TNIP1: variants seen among roughly 807,000 people sequenced by gnomAD.
The protein encoded by TNIP1 is TNFAIP3-interacting protein 1.
Under a neutral mutation model 86.6 loss-of-function variants are expected in TNIP1, and 22 were observed. That is an observed-to-expected ratio of 0.25 (90% CI 0.18 to 0.36). The LOEUF is 0.36. Ranked by LOEUF, TNIP1 falls within the 10% of genes least tolerant of loss-of-function variation. The probability of loss-of-function intolerance (pLI) is 1.00; values close to 1 mark genes in which losing one functional copy is unlikely to be tolerated. For missense variants in TNIP1, 709 were observed against 820.6 expected, an observed-to-expected ratio of 0.86 and a Z score of 1.66; for synonymous variants, 294 against 313.0, an observed-to-expected ratio of 0.94 and a Z score of 0.64.
At chr5:151,085,868 C>G (rs1483209050), upstream of TNIP1, among the ~76,000 whole-genome samples, 2 of 152,188 alleles carry the variant, frequency 1.3e-5, no homozygotes, top group African/African-American at 4.8e-5. Flanking sequence ...CCGGGAAGCC[C>G]TAACAGGGCC....
intron 1 of TNIP1, among the ~76,000 whole-genome samples, chr5:151,066,652 T>C (rs1198830003): frequency 1.3e-5 from 2 of 152,218 alleles, no homozygotes; most frequent in African/African-American, 2.4e-5. Flanking sequence ...ATATACAATC[T>C]TGGAGGAGCT....
chr5:151,052,760 T>C (rs552801424), intron 6 of TNIP1, among the ~76,000 whole-genome samples: 29 of 151,948 alleles, frequency 1.9e-4, no homozygotes, highest in Admixed American at 9.2e-4. Context: ...GCTGCTGTTT[T>C]CTTAATATCT....
intron 6 of TNIP1, 145 bp downstream of exon 6, chr5:151,056,621 C>T (rs1169020273): frequency 3.8e-5 from 27 of 716,032 alleles, no homozygotes; most frequent in Non-Finnish European, 4.9e-5. Context: ...TGTTCATCAC[C>T]CTGAACAAAA....
intron 8 of TNIP1, among the ~76,000 whole-genome samples, chr5:151,046,982 G>A (rs1006154819): frequency 2.6e-5 from 4 of 152,154 alleles, no homozygotes; most frequent in African/African-American, 9.7e-5. Context: ...TGCTGCAGGT[G>A]GAGATCCACC....
chr5:151,051,407 G>A (rs925390954), intron 7 of TNIP1, among the ~76,000 whole-genome samples: 6 of 152,156 alleles, frequency 3.9e-5, no homozygotes, highest in Non-Finnish European at 1.5e-5. Flanking sequence ...AACTGTCCAG[G>A]ACCACAGTGC....
At chr5:151,083,512 A>G (rs982087408), upstream of TNIP1, among the ~76,000 whole-genome samples, 1 of 152,166 alleles carries the variant, frequency 6.6e-6, no homozygotes, top group African/African-American at 2.4e-5. Context: ...CTGGAAGGGG[A>G]TTTCCAAGTC....
At chr5:151,065,552 T>C (rs992723085) in intron 1 of TNIP1, among the ~76,000 whole-genome samples, 4 of 152,206 alleles carry the variant, frequency 2.6e-5, no homozygotes, top group Non-Finnish European at 5.9e-5. Context: ...TTTTGCCCAA[T>C]AAACACTTAC....
chr5:151,056,691 A>G (rs1760700262), intron 6 of TNIP1, 75 bp downstream of exon 6: 2 of 1,368,118 alleles, frequency 1.5e-6, no homozygotes, highest in South Asian at 1.7e-5. Flanking sequence ...GTGGATTCCC[A>G]GGAGCAGGAA....
intron 6 of TNIP1, among the ~76,000 whole-genome samples, chr5:151,054,021 G>A (rs1427094629): frequency 6.6e-6 from 1 of 152,220 alleles, no homozygotes; most frequent in African/African-American, 2.4e-5. Flanking sequence ...TGTTGCAGGT[G>A]GATGCAACCA....
intron 6 of TNIP1, among the ~76,000 whole-genome samples, chr5:151,054,148 T>A (rs1364644346): frequency 1.3e-5 from 2 of 152,186 alleles, no homozygotes; most frequent in East Asian, 3.8e-4. Context: ...TGTGGATGCC[T>A]CGTATTCTAA....
Position 151,046,060 on chromosome 5 carries a change from C to T in TNIP1, c.847-110G>A, listed in dbSNP as rs1423338364. Reference sequence around the variant, plus strand: ...CCCAAGTGGCCCCAGCCCTCTGTCTCCCTATTCCTCCCACCCAGCAGGACA... The same window carrying T: ...CCCAAGTGGCCCCAGCCCTCTGTCTTCCTATTCCTCCCACCCAGCAGGACA... On this transcript the variant is annotated intron_variant, in intron 8 of 17. Coordinates refer to ENST00000521591, the MANE Select transcript of TNIP1 (RefSeq NM_006058.5). 10 of 870,914 alleles carry T rather than the reference C, an allele frequency of 1.1e-5. 1 individual carries two copies. In the East Asian group the frequency reaches 2.1e-4, roughly 18 times the overall value. The allele number at this position is 870,914 out of a possible 1,614,324, so 53.9% of individuals were successfully genotyped here. A position where few individuals can be genotyped will look rare whatever the true frequency, so the allele number is the denominator to read the frequency against.
intron 5 of TNIP1, among the ~76,000 whole-genome samples, chr5:151,059,802 A>G (rs1196250395): frequency 2.7e-5 from 3 of 109,206 alleles, no homozygotes; most frequent in African/African-American, 9.1e-5. Flanking sequence ...AGAGAGAGAG[A>G]GAGAGAGAGA....
At chr5:151,032,260 G>T in intron 17 of TNIP1, 27 bp downstream of exon 17, 1 of 1,575,766 alleles carries the variant, frequency 6.3e-7, no homozygotes, top group Non-Finnish European at 8.7e-7. Context: ...CCCCAGGGAG[G>T]ACCAAGACTC....
intron 16 of TNIP1, 123 bp downstream of exon 16, chr5:151,033,485 A>T: frequency 1.6e-6 from 1 of 632,130 alleles, no homozygotes; most frequent in Non-Finnish European, 2.6e-6. Context: ...CCCACCTGCC[A>T]CCACGGTGCT....
At chr5:151,075,065 C>A (rs1763227911) in intron 1 of TNIP1, among the ~76,000 whole-genome samples, 1 of 152,098 alleles carries the variant, frequency 6.6e-6, no homozygotes, top group Admixed American at 6.6e-5. Flanking sequence ...GCATGAGTCA[C>A]CACGCTCAGC....
intron 1 of TNIP1, among the ~76,000 whole-genome samples, chr5:151,072,944 G>C (rs975227503): frequency 2.0e-5 from 3 of 152,228 alleles, no homozygotes; most frequent in Non-Finnish European, 4.4e-5. Flanking sequence ...CTTGAGGGCT[G>C]GGTGCGGTGG....
At chr5:151,037,087 A>AT (rs1561811195) in intron 12 of TNIP1, 166 bp from the exon 13 acceptor site, 1 of 771,778 alleles carries the variant, frequency 1.3e-6, no homozygotes, top group African/African-American at 1.8e-5. Flanking sequence ...CATTCTACAC[A>AT]TATCATTTCA....
intron 1 of TNIP1, among the ~76,000 whole-genome samples, chr5:151,079,169 G>A (rs932492129): frequency 3.3e-5 from 5 of 152,168 alleles, no homozygotes; most frequent in African/African-American, 1.2e-4. Context: ...TCCATGAAGT[G>A]CCAGTCCCTG....
intron 8 of TNIP1, among the ~76,000 whole-genome samples, chr5:151,049,528 T>C (rs924084230): frequency 7.2e-5 from 11 of 152,160 alleles, no homozygotes; most frequent in Non-Finnish European, 1.6e-4. Context: ...GTTTACGGAA[T>C]GCACCCAGAC....
Sources: gnomAD v4.1 joint callset for allele counts (sites outside exome capture counted in the v4.1 genomes callset) on GRCh38, gnomAD v4.1.1 for gene constraint, MANE v1.5 for transcripts, NCBI Gene and HGNC (gene_info 2026-07-23, HGNC 2026-07-21) for gene names.